Variants in GPR160 observed in about 807,000 individuals in gnomAD.
The protein encoded by GPR160 is probable G protein-coupled receptor 160.
Under a neutral mutation model 2.6 loss-of-function variants are expected in GPR160, and 2 were observed. The ratio of observed to expected loss-of-function variants is 0.77; its 90% confidence interval spans 0.32 to 2.44. GPR160 has a LOEUF of 2.44. Ranked by LOEUF, GPR160 falls within the 30% of genes most tolerant of loss-of-function variation. The probability of loss-of-function intolerance (pLI) is 0.11; values close to 1 mark genes in which losing one functional copy is unlikely to be tolerated. For missense variants in GPR160, 351 were observed against 383.6 expected (o/e 0.91, Z 0.71); for synonymous variants, 130 against 132.2 (o/e 0.98, Z 0.12).
chr3:170,055,543 T>C (rs1441998037), intron 2 of GPR160, among the ~76,000 whole-genome samples: 2 of 152,216 alleles, frequency 1.3e-5, no homozygotes, highest in African/African-American at 4.8e-5. Flanking sequence ...CATTGTATGC[T>C]TAGGCCGTTT....
At chr3:170,063,249 A>G (rs1051359168) in intron 2 of GPR160, 3 of 151,992 alleles carry the variant, frequency 2.0e-5, no homozygotes, top group African/African-American at 7.3e-5. Context: ...AACTCAGCAC[A>G]CAGGCCAGGC....
intron 2 of GPR160, among the ~76,000 whole-genome samples, chr3:170,059,828 C>T (rs1711842996): frequency 1.3e-5 from 2 of 152,090 alleles, no homozygotes; most frequent in Admixed American, 6.6e-5. Context: ...TTTCCTGATG[C>T]TTTTCTTCCC....
In GPR160 at chr3:170,084,751, T is replaced by TAATC. The variant is rs1483204790; in HGVS notation, c.781_784dup (p.Ile262AsnfsTer6). 6.2e-7 allele frequency: 1 copy of TAATC among 1,609,302 alleles called. No individual in the cohort carries two copies. Among genetic ancestry groups the TAATC allele is most frequent in the African/African-American group, 1.3e-5 (1 of 74,980 alleles). On this transcript the variant is annotated frameshift_variant, in exon 4 of 4. Coordinates refer to ENST00000355897, the MANE Select transcript of GPR160 (RefSeq NM_014373.3). LOFTEE classifies it high-confidence loss of function. Reference sequence around the variant, plus strand: ...TGGTTACCATTTGTACTACTTCAGGTAATCATTGTTTTACTTAAAGTTCAG... The same window carrying TAATC: ...TGGTTACCATTTGTACTACTTCAGGTAATCAATCATTGTTTTACTTAAAGTTCAG...
rs910996572 is a variant in GPR160, at chr3:170,038,317, G to T, written c.-322+102G>T. The T allele has an allele frequency of 6.6e-6, 1 of 152,098 alleles. No homozygotes were observed. The highest frequency in any genetic ancestry group is 1.5e-5 in the Non-Finnish European group (1 of 68,016). The allele number at this position is 152,098 out of a possible 1,614,324, so 9.4% of individuals were successfully genotyped here. A position where few individuals can be genotyped will look rare whatever the true frequency, so the allele number is the denominator to read the frequency against. The stretch of plus-strand genomic sequence containing the variant: ...CGCGCCGCTCCCAGCCTCCCTGGCC[G>T]GGCGTTCAGCGCGCCTGGGAGGGGA... On this transcript the variant is annotated intron_variant, in intron 1 of 3. Transcript: ENST00000355897. This position sits in a 1 kb window ranked among gnomAD's most constrained non-coding sequence, Gnocchi z 5.3.
At chr3:170,073,753 T>G (rs1253380414) in intron 2 of GPR160, among the ~76,000 whole-genome samples, 6 of 152,112 alleles carry the variant, frequency 3.9e-5, no homozygotes, top group Admixed American at 3.9e-4. Flanking sequence ...GTGAAATGAG[T>G]TGGGAGGTAC....
intron 2 of GPR160, among the ~76,000 whole-genome samples, chr3:170,044,342 GAA>G (rs1716602575): frequency 1.6e-5 from 1 of 60,674 alleles, no homozygotes; most frequent in Non-Finnish European, 3.5e-5. Context: ...AAAAAAAAGA[GAA>G]GAGAAAAATG....
intron 2 of GPR160, among the ~76,000 whole-genome samples, chr3:170,048,447 C>T (rs1232320727): frequency 6.6e-6 from 1 of 152,102 alleles, no homozygotes; most frequent in African/African-American, 2.4e-5. Context: ...TCATTGTATT[C>T]CCCTATGTCT....
chr3:170,083,807 G>C (rs536108978), intron 3 of GPR160, 98 bp from the exon 4 acceptor site: 1 of 429,352 alleles, frequency 2.3e-6, no homozygotes, highest in South Asian at 8.3e-5. Context: ...ATATTTATTT[G>C]GGGAAATGAT....
In GPR160 at chr3:170,038,644, T is replaced by TCACA. The variant is rs1313093258; in HGVS notation, c.-321-265_-321-262dup. ...TCCTGGCGCCCAGAGGTGAATAGTC[T>TCACA]CACACACACGCGCGCGCGCGCGCGT... On this transcript the variant is annotated intron_variant, in intron 1 of 3. Transcript: ENST00000355897. This position sits in a 1 kb window ranked among gnomAD's most constrained non-coding sequence, Gnocchi z 5.3. 1.3e-5 allele frequency: 2 copies of TCACA among 151,618 alleles called. No individual in the cohort carries two copies. The highest frequency in any genetic ancestry group is 2.9e-5 in the Non-Finnish European group (2 of 67,908). 9.4% of individuals were successfully genotyped at this position (151,618 alleles called of 1,614,324 possible).
chr3:170,068,966 A>T (rs544042214), intron 2 of GPR160, among the ~76,000 whole-genome samples: 1 of 152,218 alleles, frequency 6.6e-6, no homozygotes, highest in African/African-American at 2.4e-5. Context: ...GCTGATGCCT[A>T]GAGAGAACTG....
chr3:170,067,647 C>T (rs886984619), intron 2 of GPR160, among the ~76,000 whole-genome samples: 1 of 152,010 alleles, frequency 6.6e-6, no homozygotes, highest in Non-Finnish European at 1.5e-5. Flanking sequence ...CACAGTCCCT[C>T]GCTTCCCCCA....
intron 3 of GPR160, 100 bp downstream of exon 3, chr3:170,079,997 TA>T (rs1318366483): frequency 2.0e-5 from 3 of 152,224 alleles, no homozygotes; most frequent in African/African-American, 7.2e-5. Flanking sequence ...GAGGCCCTGC[TA>T]ATACCTCCAA....
chr3:170,052,950 C>T (rs1016370984), intron 2 of GPR160, among the ~76,000 whole-genome samples: 1 of 151,980 alleles, frequency 6.6e-6, no homozygotes, highest in African/African-American at 2.4e-5. Context: ...TAGTCCAGCA[C>T]AGTGTGTTGA....
chr3:170,066,721 A>C (rs990295504), intron 2 of GPR160, among the ~76,000 whole-genome samples: 4 of 152,192 alleles, frequency 2.6e-5, no homozygotes, highest in African/African-American at 9.7e-5. Context: ...ACTCTTATAA[A>C]CACCTACTTT....
At chr3:170,055,648 T>TC (rs1404687365) in intron 2 of GPR160, among the ~76,000 whole-genome samples, 2 of 152,210 alleles carry the variant, frequency 1.3e-5, no homozygotes, top group Non-Finnish European at 2.9e-5. Context: ...ACTTTTTTTT[T>TC]TTTTGAGACG....
chr3:170,046,543 T>C (rs555472544), intron 2 of GPR160, among the ~76,000 whole-genome samples: 2 of 152,244 alleles, frequency 1.3e-5, no homozygotes, highest in African/African-American at 4.8e-5. Flanking sequence ...AGGAATGTTG[T>C]GAGGGGCTAA....
intron 2 of GPR160, among the ~76,000 whole-genome samples, chr3:170,074,212 G>A (rs913221667): frequency 5.3e-5 from 8 of 151,756 alleles, no homozygotes; most frequent in Admixed American, 5.3e-4. Context: ...GAGCTATTTA[G>A]GGATCTTTTG....
intron 2 of GPR160, among the ~76,000 whole-genome samples, chr3:170,071,348 C>G (rs906914744): frequency 6.6e-6 from 1 of 152,148 alleles, no homozygotes; most frequent in African/African-American, 2.4e-5. Context: ...GGGGCCTCCC[C>G]CTTCTCTCTG....
chr3:170,050,673 TGG>T (rs1465055850), intron 2 of GPR160, among the ~76,000 whole-genome samples: 1 of 152,220 alleles, frequency 6.6e-6, no homozygotes, highest in Non-Finnish European at 1.5e-5. Context: ...TTGCCTTGTC[TGG>T]GAAATTTCAA....
Sources: allele counts gnomAD v4.1 joint callset (sites outside exome capture counted in the v4.1 genomes callset), GRCh38; gene constraint gnomAD v4.1.1; non-coding constraint Gnocchi (gnomAD v3.1); transcripts MANE v1.5; gene names NCBI Gene and HGNC (gene_info 2026-07-23, HGNC 2026-07-21).